CCNA1: variants seen among roughly 807,000 people sequenced by gnomAD.
CCNA1 encodes the protein cyclin-A1.
Under a neutral mutation model 54.1 loss-of-function variants are expected in CCNA1, and 23 were observed. The ratio of observed to expected loss-of-function variants is 0.42; its 90% CI spans 0.31 to 0.60. CCNA1 has a LOEUF of 0.60. Ranked by LOEUF, CCNA1 falls within the 20% of genes least tolerant of loss-of-function variation. CCNA1 has a pLI of 0.14. For synonymous variants in CCNA1, 208 were observed against 213.9 expected (o/e 0.97, Z 0.24); for missense variants, 450 against 556.7 (o/e 0.81, Z 1.93).
In CCNA1 at chr13:36,442,192, A is replaced by G. The variant is rs770030222; in HGVS notation, c.1234A>G (p.Thr412Ala). 1.2e-6 allele frequency: 2 copies of G among 1,613,600 alleles called. No homozygotes were observed. The highest frequency in any genetic ancestry group is 8.5e-7 in the Non-Finnish European group (1 of 1,179,626). ...TTAGCCAGAAACCCTTGCTGCATTT[A>G]CAGGGTATTCATTAAGTGAAATTGT... is the stretch of plus-strand genomic sequence containing the variant. The change falls in exon 8 of 9, where the codon ACA (threonine) becomes GCA (alanine). Residue 412 changes from threonine (T) to alanine (A), a missense_variant. Physicochemically the swap from Thr to Ala is moderately conservative, Grantham distance 58. Transcript: ENST00000255465.
At chr13:36,439,099 T>G (rs942559101) in intron 5 of CCNA1, among the ~76,000 whole-genome samples, 1 of 152,234 alleles carries the variant, frequency 6.6e-6, no homozygotes, top group Non-Finnish European at 1.5e-5. Context: ...GTGTCATGAC[T>G]AAGGCAGCCA....
intron 2 of CCNA1, among the ~76,000 whole-genome samples, chr13:36,434,204 G>A (rs1301152204): frequency 6.6e-6 from 1 of 152,188 alleles, no homozygotes; most frequent in Non-Finnish European, 1.5e-5. Context: ...TGACTAAGCA[G>A]CTATGCTAAC....
Position 36,442,538 on chromosome 13 carries a change from A to G in CCNA1, c.1347-76A>G, listed in dbSNP as rs913604146. ...CTTCCATTCTGTTAAAACTACTGGAAAGTTTTCTGTGACCTGAGATTTTAT... is the reference window on the plus strand; with the variant it reads ...CTTCCATTCTGTTAAAACTACTGGAGAGTTTTCTGTGACCTGAGATTTTAT... On this transcript the variant is annotated intron_variant, in intron 8 of 8. Transcript: ENST00000255465. 5.7e-5 allele frequency: 84 copies of G among 1,466,782 alleles called. No individual in the cohort carries two copies. In the African/African-American group the frequency reaches 8.5e-4, roughly 15 times the overall value. 90.9% of individuals were successfully genotyped at this position (1,466,782 alleles called of 1,614,324 possible).
chr13:36,432,882 G>GC, intron 1 of CCNA1, 151 bp from the exon 2 acceptor site: 2 of 951,206 alleles, frequency 2.1e-6, no homozygotes, highest in South Asian at 3.0e-5. Context: ...GGTCGCACCT[G>GC]CCCTTTCAGC....
chr13:36,438,702 T>G lies in CCNA1; in HGVS notation c.728T>G (p.Met243Arg). The change falls in exon 5 of 9, where the codon ATG becomes AGG. Residue 243 changes from methionine to arginine, a missense_variant. Physicochemically the swap from Met to Arg is moderately conservative, Grantham distance 91. This residue lies in a region of CCNA1 where 150 missense variants were observed against 219.7 expected (regional missense o/e 0.68). Transcript: ENST00000255465. ...AAGCAGCCAGACATCACGGAAGGCA[T>G]GCGCACGATTCTGGTGGACTGGCTG... 2 of 1,614,076 alleles carry G rather than the reference T, an allele frequency of 1.2e-6. No individual in the cohort carries two copies. The highest frequency in any genetic ancestry group is 1.7e-6 in the Non-Finnish European group (2 of 1,180,000).
In CCNA1 at chr13:36,437,741, T is replaced by A; in HGVS notation, c.410T>A (p.Ile137Asn). 1 of 1,614,140 alleles carries A rather than the reference T, an allele frequency of 6.2e-7. No homozygotes were observed. Among genetic ancestry groups the A allele is most frequent in the Non-Finnish European group, 8.5e-7 (1 of 1,180,018 alleles). Reference sequence around the variant, plus strand: ...GAGCCCCCCAAGCAAGGGTTTGACATCTACATGGATGAACTAGAGCAGGGG... The same window carrying A: ...GAGCCCCCCAAGCAAGGGTTTGACAACTACATGGATGAACTAGAGCAGGGG... The change falls in exon 3 of 9, where the codon ATC becomes AAC. Residue 137 changes from isoleucine (I) to asparagine (N), a missense_variant. This residue lies in a region of CCNA1 where 103 missense variants were observed against 92.9 expected (regional missense o/e 1.11). Coordinates refer to ENST00000255465, the MANE Select transcript of CCNA1 (RefSeq NM_003914.4).
chr13:36,433,390 C>CTTTCTTTCTTTCTTTA (rs2055746844), intron 2 of CCNA1, among the ~76,000 whole-genome samples, 169 bp downstream of exon 2: 1 of 83,794 alleles, frequency 1.2e-5, no homozygotes, highest in African/African-American at 5.5e-5. Flanking sequence ...TTCTTTCTTT[C>CTTTCTTTCTTTCTTTA]TTTCTTTCTT....
Position 36,433,383 on chromosome 13 carries a change from T to G in CCNA1, c.297+162T>G, listed in dbSNP as rs543455599. 8.5e-5 allele frequency among the ~76,000 whole-genome samples: 5 copies of G among 58,822 alleles called. 1 individual carries two copies. The South Asian group carries it at 3.2e-3, about 38-fold the overall frequency. 38.6% of individuals were successfully genotyped at this position (58,822 alleles called of 152,430 possible). A position where few individuals can be genotyped will look rare whatever the true frequency, so the allele number is the denominator to read the frequency against. On this transcript the variant is annotated intron_variant, in intron 2 of 8. Coordinates refer to ENST00000255465, the MANE Select transcript of CCNA1 (RefSeq NM_003914.4). ...TTGATTGATTTATTTTCTTTCTTTCTTTCTTTCTTTCTTTCTTTCTTTCTT... is the reference window on the plus strand; with the variant it reads ...TTGATTGATTTATTTTCTTTCTTTCGTTCTTTCTTTCTTTCTTTCTTTCTT...
At chr13:36,435,106 T>TTTG (rs1255238255) in intron 2 of CCNA1, among the ~76,000 whole-genome samples, 1 of 152,244 alleles carries the variant, frequency 6.6e-6, no homozygotes, top group East Asian at 1.9e-4. Flanking sequence ...ACGAATTTTC[T>TTTG]TTGTTAGTTT....
chr13:36,442,523 G>T, intron 8 of CCNA1, 91 bp from the exon 9 acceptor site: 1 of 1,341,750 alleles, frequency 7.5e-7, no homozygotes, highest in South Asian at 1.2e-5. Flanking sequence ...CTTCCATTCT[G>T]TTAAAACTAC....
At chr13:36,440,446 G>C (rs1435374661) in intron 6 of CCNA1, among the ~76,000 whole-genome samples, 2 of 152,132 alleles carry the variant, frequency 1.3e-5, no homozygotes, top group Non-Finnish European at 2.9e-5. Context: ...TCTCTTATTG[G>C]ATACAGACCA....
intron 5 of CCNA1, among the ~76,000 whole-genome samples, chr13:36,439,074 A>G (rs2055844586): frequency 6.6e-6 from 1 of 152,230 alleles, no homozygotes; most frequent in Non-Finnish European, 1.5e-5. Flanking sequence ...GTTATGATTT[A>G]TAGCAACAAG....
At chr13:36,435,269 G>A (rs1313011562) in intron 2 of CCNA1, among the ~76,000 whole-genome samples, 1 of 152,160 alleles carries the variant, frequency 6.6e-6, no homozygotes, top group Non-Finnish European at 1.5e-5. Context: ...ATATAATGTT[G>A]CCTTTCCCAC....
Position 36,437,723 on chromosome 13 carries a change from C to A in CCNA1, c.392C>A (p.Pro131His). ...CCTGACTGTGGGGTCCAAGAGCCCC[C>A]CAAGCAAGGGTTTGACATCTACATG... The change falls in exon 3 of 9, where the codon CCC becomes CAC. Residue 131 changes from proline (P) to histidine (H), a missense_variant. This residue lies in a region of CCNA1 where 103 missense variants were observed against 92.9 expected (regional missense o/e 1.11). Transcript: ENST00000255465. The A allele has an allele frequency of 1.9e-6, 3 of 1,614,104 alleles. No homozygotes were observed. Among genetic ancestry groups the A allele is most frequent in the Non-Finnish European group, 2.5e-6 (3 of 1,179,990 alleles).
At chr13:36,436,476 G>T (rs1165651571) in intron 2 of CCNA1, among the ~76,000 whole-genome samples, 2 of 152,090 alleles carry the variant, frequency 1.3e-5, no homozygotes, top group African/African-American at 4.8e-5. Context: ...TAAATTCTGG[G>T]CACGAGAAAA....
In CCNA1 at chr13:36,438,840, T is replaced by C. The variant is rs1337339891; in HGVS notation, c.866T>C (p.Val289Ala). The C allele has an allele frequency of 5.0e-6, 8 of 1,614,020 alleles. No individual in the cohort carries two copies. Among genetic ancestry groups the C allele is most frequent in the Non-Finnish European group, 6.8e-6 (8 of 1,179,926 alleles). ...GTTCTGAGAGGGAAACTGCAGCTCG[T>C]AGGAACAGCAGCTATGCTTTTGGCT... The change falls in exon 5 of 9, where the codon GTA (valine) becomes GCA (alanine). Residue 289 changes from valine (V) to alanine (A), a missense_variant. Transcript: ENST00000255465.
intron 2 of CCNA1, among the ~76,000 whole-genome samples, chr13:36,434,511 T>A (rs1593321083): frequency 6.6e-6 from 1 of 152,304 alleles, no homozygotes; most frequent in East Asian, 1.9e-4. Context: ...TTATGAATTG[T>A]CAGTTGTGCC....
intron 6 of CCNA1, among the ~76,000 whole-genome samples, chr13:36,440,911 G>C (rs1421372757): frequency 6.6e-6 from 1 of 152,176 alleles, no homozygotes; most frequent in Non-Finnish European, 1.5e-5. Context: ...AAATACTTTT[G>C]TATTGACATT....
rs1238091930 is a variant in CCNA1 at position 36,437,698 on chromosome 13, C to T, written c.367C>T (p.Pro123Ser). The stretch of plus-strand genomic sequence containing the variant: ...CCCTCCAGCTGGAAAGAAAGCACTC[C>T]CTGACTGTGGGGTCCAAGAGCCCCC... The change falls in exon 3 of 9, where the codon CCT becomes TCT. Residue 123 changes from proline (P) to serine (S), a missense_variant. Around this residue, in one of 6 missense-constraint regions of CCNA1, gnomAD observed 103 missense variants for 92.9 expected, o/e 1.11. Coordinates refer to ENST00000255465, the MANE Select transcript of CCNA1 (RefSeq NM_003914.4). 11 of 1,613,882 alleles carry T rather than the reference C, an allele frequency of 6.8e-6. No individual in the cohort carries two copies. The highest frequency in any genetic ancestry group is 9.3e-6 in the Non-Finnish European group (11 of 1,179,942).
Sources: allele counts gnomAD v4.1 joint callset (sites outside exome capture counted in the v4.1 genomes callset), GRCh38; gene constraint gnomAD v4.1.1; regional missense constraint gnomAD v4.1.1; transcripts MANE v1.5; gene names NCBI Gene and HGNC (gene_info 2026-07-23, HGNC 2026-07-21).